Variants in TAF13 observed in about 807,000 individuals in gnomAD.
TAF13 encodes the protein TATA-box binding protein associated factor 13, also known as transcription initiation factor TFIID subunit 13.
A neutral mutation model predicts 18.7 loss-of-function variants in TAF13; 9 were observed. The observed-to-expected ratio is 0.48, with a 90% CI of 0.29 to 0.84. The LOEUF is 0.84. Ranked by LOEUF, TAF13 falls within the 40% of genes least tolerant of loss-of-function variation. The pLI, the probability that TAF13 is intolerant of heterozygous loss-of-function variation, is 0.08. For synonymous variants in TAF13, 49 were observed against 44.1 expected (o/e 1.11, Z -0.44); for missense variants, 105 against 146.5 (o/e 0.72, Z 1.46).
intron 2 of TAF13, 53 bp from the exon 3 acceptor site, chr1:109,066,285 G>A: frequency 7.1e-7 from 1 of 1,415,310 alleles, no homozygotes; most frequent in Admixed American, 2.2e-5. Context: ...TTAACAATTT[G>A]ATACTTTAAA....
chr1:109,069,023 T>C (rs1664000720), intron 2 of TAF13, among the ~76,000 whole-genome samples: 1 of 152,070 alleles, frequency 6.6e-6, no homozygotes, highest in African/African-American at 2.4e-5. Flanking sequence ...AAAGAAGTCC[T>C]TGAGACTACC....
rs183047209 is a variant in TAF13, at chr1:109,070,099, T to G, written c.107-3867A>C. On this transcript the variant is annotated intron_variant, in intron 2 of 3. Coordinates refer to ENST00000338366, the MANE Select transcript of TAF13 (RefSeq NM_005645.4). The stretch of plus-strand genomic sequence containing the variant: ...GACTTCATTCAGATTTTACAAGTTT[T>G]TCCACCAATGTCCTTTTTCTGTTTC... Among the ~76,000 whole-genome samples, 368 of 152,346 alleles carry G rather than the reference T, an allele frequency of 2.4e-3. 3 individuals are homozygous for G. The highest frequency in any genetic ancestry group is 8.5e-3 in the African/African-American group (355 of 41,570).
chr1:109,075,843 C>G, intron 1 of TAF13, 78 bp downstream of exon 1: 1 of 1,595,046 alleles, frequency 6.3e-7, no homozygotes, highest in Non-Finnish European at 8.6e-7. Flanking sequence ...CAAGCAGACC[C>G]GATCCTGAAC....
chr1:109,071,957 AATATATATATATATATATACACACATAT>A (rs1557985831), intron 2 of TAF13, among the ~76,000 whole-genome samples: 19 of 87,790 alleles, frequency 2.2e-4, no homozygotes, highest in South Asian at 1.5e-3. Context: ...TCAAAAAGAA[AATATATATATATATATATACACACATAT>A]ATATATATAT....
chr1:109,064,434 T>C lies in TAF13; in HGVS notation c.*89A>G, dbSNP rs191835272. ...TGTGTTTCTCCATCTTTCATTTACA[T>C]GGCTAGATATCAGAATCTTACTTTA... is the stretch of plus-strand genomic sequence containing the variant. On this transcript the variant is annotated 3_prime_UTR_variant, in exon 4 of 4. Coordinates refer to ENST00000338366, the MANE Select transcript of TAF13 (RefSeq NM_005645.4). 2.2e-4 allele frequency: 263 copies of C among 1,174,876 alleles called. No homozygotes were observed. In the South Asian group the frequency reaches 2.6e-3, roughly 12 times the overall value. The allele number at this position is 1,174,876 out of a possible 1,614,324, so 72.8% of individuals were successfully genotyped here.
At chr1:109,064,837 C>G (rs1012985138) in intron 3 of TAF13, 144 bp from the exon 4 acceptor site, 8 of 660,690 alleles carry the variant, frequency 1.2e-5, no homozygotes, top group Non-Finnish European at 1.8e-5. Context: ...TATCTTTCTA[C>G]TCATGTCCTT....
chr1:109,065,296 C>G (rs1422035297), intron 3 of TAF13, among the ~76,000 whole-genome samples: 1 of 151,994 alleles, frequency 6.6e-6, no homozygotes, highest in Non-Finnish European at 1.5e-5. Context: ...CAAGACCAAC[C>G]TGGGCAACAT....
intron 3 of TAF13, among the ~76,000 whole-genome samples, chr1:109,065,589 T>A (rs962630666): frequency 2.0e-5 from 3 of 151,842 alleles, no homozygotes; most frequent in Admixed American, 6.6e-5. Context: ...ATGGATAATA[T>A]TTTTATTTTA....
In TAF13 at chr1:109,075,058, T is replaced by G; in HGVS notation, c.35A>C (p.Glu12Ala). 1 of 1,606,430 alleles carries G rather than the reference T, an allele frequency of 6.2e-7. No individual in the cohort carries two copies. The highest frequency in any genetic ancestry group is 8.5e-7 in the Non-Finnish European group (1 of 1,177,662). ...ACCTCCTCCAATTTCTTCATTTTCT[T>G]CCTCAAACTAGAAGTTAAAATGTAT... ...ADEEEDPTFE[E>A]ENEEIGGGAE... Residue 12 changes from glutamate to alanine, a missense_variant, in exon 2 of 4, where the codon GAA becomes GCA. Coordinates refer to ENST00000338366, the MANE Select transcript of TAF13 (RefSeq NM_005645.4).
intron 2 of TAF13, among the ~76,000 whole-genome samples, chr1:109,069,245 T>C (rs975802111): frequency 2.0e-5 from 3 of 152,166 alleles, no homozygotes; most frequent in Admixed American, 6.6e-5. Context: ...AGTTGTCCCT[T>C]AGTATCCTTG....
chr1:109,069,699 T>C (rs1482898423), intron 2 of TAF13, among the ~76,000 whole-genome samples: 3 of 152,010 alleles, frequency 2.0e-5, no homozygotes, highest in South Asian at 2.1e-4. Flanking sequence ...TTAAGAATAA[T>C]TCCTCTATTT....
intron 3 of TAF13, 67 bp downstream of exon 3, chr1:109,066,068 T>C (rs1663946274): frequency 7.4e-7 from 1 of 1,360,176 alleles, no homozygotes; most frequent in African/African-American, 1.5e-5. Context: ...AGTTCTAGTC[T>C]TACCTAAAGT....
At chr1:109,070,682 C>T (rs1228793804) in intron 2 of TAF13, among the ~76,000 whole-genome samples, 1 of 152,032 alleles carries the variant, frequency 6.6e-6, no homozygotes, top group Non-Finnish European at 1.5e-5. Context: ...GCATGAGCCA[C>T]CGTACCCAGT....
At chr1:109,068,589 C>A (rs1663990533) in intron 2 of TAF13, among the ~76,000 whole-genome samples, 2 of 152,120 alleles carry the variant, frequency 1.3e-5, no homozygotes, top group South Asian at 2.1e-4. Flanking sequence ...CTCAAGTAAT[C>A]CTCCTGCCTT....
At position 109,071,957 on chromosome 1, in the gene TAF13, AATATATATATATATATAT is replaced by A. The variant is rs1553243377; in HGVS notation, c.106+3012_106+3029del. Among the ~76,000 whole-genome samples the A allele has an allele frequency of 5.6e-4, 49 of 87,800 alleles. 4 individuals carry two copies. Among genetic ancestry groups the A allele is most frequent in the Non-Finnish European group, 6.4e-4 (29 of 45,584 alleles). The allele number at this position is 87,800 out of a possible 152,430, so 57.6% of individuals were successfully genotyped here. A position where few individuals can be genotyped will look rare whatever the true frequency, so the allele number is the denominator to read the frequency against. ...CAGTGAGACTCTGTCTCAAAAAGAA[AATATATATATATATATAT>A]ACACACATATATATATATATATATA... On this transcript the variant is annotated intron_variant, in intron 2 of 3. Transcript: ENST00000338366.
At chr1:109,075,889 AAGAC>A in intron 1 of TAF13, 28 bp downstream of exon 1, 1 of 1,614,158 alleles carries the variant, frequency 6.2e-7, no homozygotes, top group Non-Finnish European at 8.5e-7. Context: ...GAGTGAAGAA[AAGAC>A]AGGTTTTGGA....
intron 3 of TAF13, 72 bp downstream of exon 3, chr1:109,066,063 T>C (rs1663946234): frequency 7.8e-7 from 1 of 1,280,340 alleles, no homozygotes; most frequent in Non-Finnish European, 1.1e-6. Flanking sequence ...CCATAAGTTC[T>C]AGTCTTACCT....
At position 109,072,091 on chromosome 1, in the gene TAF13, T is replaced by C; in HGVS notation, c.106+2896A>G. On this transcript the variant is annotated intron_variant, in intron 2 of 3. Coordinates refer to ENST00000338366, the MANE Select transcript of TAF13 (RefSeq NM_005645.4). ...ATATATATATACACACACATATATATATATATATATATATATATATATATA... is the reference window on the plus strand; with the variant it reads ...ATATATATATACACACACATATATACATATATATATATATATATATATATA... 3.9e-4 allele frequency among the ~76,000 whole-genome samples: 2 copies of C among 5,068 alleles called. 1 individual carries two copies. Among genetic ancestry groups the C allele is most frequent in the African/African-American group, 1.2e-3 (2 of 1,688 alleles). 3.3% of individuals were successfully genotyped at this position (5,068 alleles called of 152,430 possible).
Position 109,064,365 on chromosome 1 carries a change from T to C in TAF13, c.*158A>G, listed in dbSNP as rs1663914951. ...AAAGGCAGGCAATTACATGCACCAA[T>C]ATCACCCTAAAATCAAAGGCATAAA... is the stretch of plus-strand genomic sequence containing the variant. On this transcript the variant is annotated 3_prime_UTR_variant, in exon 4 of 4. Coordinates refer to ENST00000338366, the MANE Select transcript of TAF13 (RefSeq NM_005645.4). 1 of 567,038 alleles carries C rather than the reference T, an allele frequency of 1.8e-6. No individual in the cohort carries two copies. The highest frequency in any genetic ancestry group is 1.9e-5 in the African/African-American group (1 of 51,288). 35.1% of individuals were successfully genotyped at this position (567,038 alleles called of 1,614,324 possible). A position where few individuals can be genotyped will look rare whatever the true frequency, so the allele number is the denominator to read the frequency against.
Sources: allele counts gnomAD v4.1 joint callset (sites outside exome capture counted in the v4.1 genomes callset), GRCh38; gene constraint gnomAD v4.1.1; transcripts MANE v1.5; gene names NCBI Gene and HGNC (gene_info 2026-07-23, HGNC 2026-07-21).